The following SPAG1 variants were observed in gnomAD, a reference collection of about 807,000 sequenced individuals.
SPAG1 encodes the protein sperm associated antigen 1, also known as sperm-associated antigen 1.
In SPAG1, 69 loss-of-function variants were observed where a neutral mutation model predicts 100.5. That is an observed-to-expected ratio of 0.69 (90% CI 0.57 to 0.84). The LOEUF (loss-of-function observed/expected upper bound fraction) is 0.84. Among genes scored for constraint, SPAG1 ranks in the 40% least tolerant of loss-of-function variants. The probability of loss-of-function intolerance (pLI) is 0.00; values close to 1 mark genes in which losing one functional copy is unlikely to be tolerated. For synonymous variants in SPAG1, 336 were observed against 411.6 expected, an observed-to-expected ratio of 0.82 and a Z score of 2.22; for missense variants, 955 against 1,133.1, an observed-to-expected ratio of 0.84 and a Z score of 2.26.
chr8:100,238,320 G>A (rs1819100671), intron 16 of SPAG1, among the ~76,000 whole-genome samples: 3 of 152,184 alleles, frequency 2.0e-5, no homozygotes, highest in South Asian at 4.1e-4. Flanking sequence ...GCTCTGGTGT[G>A]TTGCTGTAGG....
intron 12 of SPAG1, among the ~76,000 whole-genome samples, chr8:100,216,984 T>C (rs539485277): frequency 7.2e-6 from 1 of 138,330 alleles, no homozygotes; most frequent in Non-Finnish European, 1.5e-5. Context: ...TCCCCGAGGC[T>C]GGAGTGCAGT....
rs368266289 is a variant in SPAG1, at chr8:100,206,487, G to A, written c.1097-6603G>A. 2.3e-3 allele frequency among the ~76,000 whole-genome samples: 354 copies of A among 152,324 alleles called. 2 individuals carry two copies. The highest frequency in any genetic ancestry group is 8.1e-3 in the African/African-American group (336 of 41,566). ...GATGACGTTATGCTGACTGGACCTA[G>A]CGAGCAAGAAGTAGCAAACACACTG... On this transcript the variant is annotated intron_variant, in intron 10 of 18. Coordinates refer to ENST00000388798, the MANE Select transcript of SPAG1 (RefSeq NM_003114.5).
chr8:100,193,927 C>T lies in SPAG1; in HGVS notation c.940-185C>T, dbSNP rs73698124. ...TCTTTATTTTTTATACTTGTTACAC[C>T]GCTTTTTGTGTGTGTGTGTTTTTTT... is the stretch of plus-strand genomic sequence containing the variant. On this transcript the variant is annotated intron_variant, in intron 9 of 18. Transcript: ENST00000388798. 0.024 allele frequency among the ~76,000 whole-genome samples: 3,703 copies of T among 151,244 alleles called. 126 individuals are homozygous for T. The highest frequency in any genetic ancestry group is 0.079 in the African/African-American group (3,244 of 41,272).
intron 12 of SPAG1, among the ~76,000 whole-genome samples, chr8:100,215,021 A>AC (rs1817909103): frequency 3.3e-5 from 2 of 61,292 alleles, no homozygotes; most frequent in African/African-American, 1.2e-4. Context: ...ATATATATAT[A>AC]TATATATATA....
Position 100,239,483 on chromosome 8 carries a change from C to G in SPAG1, c.2280+79C>G. ...TTCTAAGGTCATATTCCTGTGAGTTCTAAAACATTTTTAATTTTGTGTTTT... is the reference window on the plus strand; with the variant it reads ...TTCTAAGGTCATATTCCTGTGAGTTGTAAAACATTTTTAATTTTGTGTTTT... On this transcript the variant is annotated intron_variant, in intron 17 of 18. Coordinates refer to ENST00000388798, the MANE Select transcript of SPAG1 (RefSeq NM_003114.5). The surrounding 1 kb of genome is among the most constrained non-coding windows in gnomAD (Gnocchi z 5.0). 1.1e-6 allele frequency: 1 copy of G among 917,230 alleles called. No individual in the cohort carries two copies. The highest frequency in any genetic ancestry group is 1.5e-5 in the South Asian group (1 of 66,922). 56.8% of individuals were successfully genotyped at this position (917,230 alleles called of 1,614,324 possible).
chr8:100,193,281 T>C lies in SPAG1; in HGVS notation c.940-831T>C, dbSNP rs564918506. ...TTAAGACCAGCCTGGGCAAGACAGC[T>C]GAACTTCATCTCCACAAAAAATTTA... On this transcript the variant is annotated intron_variant, in intron 9 of 18. Coordinates refer to ENST00000388798, the MANE Select transcript of SPAG1 (RefSeq NM_003114.5). Among the ~76,000 whole-genome samples, 3 of 152,102 alleles carry C rather than the reference T, an allele frequency of 2.0e-5. No individual in the cohort carries two copies. The South Asian group carries it at 6.2e-4, about 32-fold the overall frequency.
intron 17 of SPAG1, 108 bp from the exon 18 acceptor site, chr8:100,240,295 C>CA: frequency 9.4e-7 from 1 of 1,063,908 alleles, no homozygotes; most frequent in Non-Finnish European, 1.4e-6. Context: ...AACTGGACTA[C>CA]AGTACAGTCT....
chr8:100,213,312 A>G lies in SPAG1; in HGVS notation c.1319A>G (p.Gln440Arg), dbSNP rs1435705637. ...GCCACCGGGCATCCGGGCGGCGGGC[A>G]GGGCGCGGAGAACCCTGCCGGCCTG... ...GGATGHPGGG[Q>R]GAENPAGLKS... The change falls in exon 11 of 19, where the codon CAG becomes CGG. Residue 440 changes from glutamine to arginine, a missense_variant. Gln to Arg is a conservative substitution (Grantham distance 43). Transcript: ENST00000388798. The G allele has an allele frequency of 8.1e-7, 1 of 1,237,294 alleles. No individual in the cohort carries two copies. The highest frequency in any genetic ancestry group is 1.0e-6 in the Non-Finnish European group (1 of 991,040). 76.6% of individuals were successfully genotyped at this position (1,237,294 alleles called of 1,614,324 possible).
intron 3 of SPAG1, among the ~76,000 whole-genome samples, chr8:100,170,852 T>C (rs954491672): frequency 7.1e-6 from 1 of 141,336 alleles, no homozygotes; most frequent in African/African-American, 2.6e-5. Context: ...TTTATTTATT[T>C]TTTACTTGCT....
intron 3 of SPAG1, among the ~76,000 whole-genome samples, 167 bp from the exon 4 acceptor site, chr8:100,177,649 C>T (rs757244792): frequency 2.6e-5 from 4 of 151,806 alleles, no homozygotes; most frequent in African/African-American, 7.3e-5. Flanking sequence ...TTTTTCAAAT[C>T]GTCACAAATC....
intron 10 of SPAG1, among the ~76,000 whole-genome samples, chr8:100,199,136 T>G (rs2453665): frequency 0.63 from 95,169 of 152,082 alleles, 30,124 homozygotes; most frequent in African/African-American, 0.71. Flanking sequence ...TGCATTATTT[T>G]GGAGTGGAAT....
chr8:100,206,927 G>T (rs951321059), intron 10 of SPAG1, among the ~76,000 whole-genome samples: 1 of 152,226 alleles, frequency 6.6e-6, no homozygotes, highest in African/African-American at 2.4e-5. Context: ...TGACCTAGCA[G>T]ATCCAATGGT....
intron 14 of SPAG1, 67 bp from the exon 15 acceptor site, chr8:100,231,089 T>G: frequency 7.1e-7 from 1 of 1,403,858 alleles, no homozygotes; most frequent in Non-Finnish European, 9.6e-7. Context: ...TTACTTATAG[T>G]TGTACTTAAG....
chr8:100,227,075 A>G (rs1818549099), intron 14 of SPAG1, among the ~76,000 whole-genome samples: 1 of 152,236 alleles, frequency 6.6e-6, no homozygotes, highest in Non-Finnish European at 1.5e-5. Flanking sequence ...ATGGTAGGCT[A>G]TACCATCTAG....
intron 10 of SPAG1, among the ~76,000 whole-genome samples, chr8:100,198,714 T>A (rs780861625): frequency 9.2e-5 from 14 of 152,226 alleles, no homozygotes; most frequent in Non-Finnish European, 1.3e-4. Context: ...TGTACAACTA[T>A]CACCACGATC....
At chr8:100,214,713 T>C (rs1817888547) in intron 12 of SPAG1, among the ~76,000 whole-genome samples, 1 of 152,118 alleles carries the variant, frequency 6.6e-6, no homozygotes, top group East Asian at 1.9e-4. Flanking sequence ...CCAGGCACAG[T>C]GGCTCACGCC....
rs371132833 is a variant in SPAG1 at position 100,233,402 on chromosome 8, T to C, written c.1989-9T>C. 2 of 1,613,610 alleles carry C rather than the reference T, an allele frequency of 1.2e-6. No individual in the cohort carries two copies. Among genetic ancestry groups the C allele is most frequent in the Non-Finnish European group, 1.7e-6 (2 of 1,179,786 alleles). Reference sequence around the variant, plus strand: ...TTTCATAATACTGAGTTCCATTGCATTATGCCAGAGCTCTCTGTTACTTGA... The same window carrying C: ...TTTCATAATACTGAGTTCCATTGCACTATGCCAGAGCTCTCTGTTACTTGA... On this transcript the variant is annotated splice_polypyrimidine_tract_variant and intron_variant, in intron 15 of 18. Coordinates refer to ENST00000388798, the MANE Select transcript of SPAG1 (RefSeq NM_003114.5).
At position 100,220,844 on chromosome 8, in the gene SPAG1, G is replaced by A. The variant is rs112690215; in HGVS notation, c.1688+413G>A. ...TCCTAGCACTTTGGGAGGCCAAGGC[G>A]GGTGGATCACTTGAGGTCAGGAGTT... On this transcript the variant is annotated intron_variant, in intron 13 of 18. Transcript: ENST00000388798. Among the ~76,000 whole-genome samples, 813 of 152,180 alleles carry A rather than the reference G, an allele frequency of 5.3e-3. 12 individuals are homozygous for A. The highest frequency in any genetic ancestry group is 0.019 in the African/African-American group (768 of 41,510).
chr8:100,206,440 T>C (rs1336426762), intron 10 of SPAG1, among the ~76,000 whole-genome samples: 4 of 152,250 alleles, frequency 2.6e-5, no homozygotes, highest in Non-Finnish European at 5.9e-5. Flanking sequence ...TTTGGCAAGA[T>C]ATCACACTGG....
Sources: gnomAD v4.1 joint callset for allele counts (sites outside exome capture counted in the v4.1 genomes callset) on GRCh38, gnomAD v4.1.1 for gene constraint, Gnocchi (gnomAD v3.1) non-coding constraint, MANE v1.5 for transcripts, NCBI Gene and HGNC (gene_info 2026-07-23, HGNC 2026-07-21) for gene names.